The following NLGN1 variants were observed in gnomAD, a reference collection of about 807,000 sequenced individuals.
The protein encoded by NLGN1 is neuroligin 1, also known as neuroligin-1.
In NLGN1, 12 loss-of-function variants were observed where a neutral mutation model predicts 65.5. That is an observed-to-expected ratio of 0.18 (90% CI 0.12 to 0.30). The LOEUF is 0.30. Ranked by LOEUF, NLGN1 falls within the 10% of genes least tolerant of loss-of-function variation. The probability of loss-of-function intolerance (pLI) is 1.00; values close to 1 mark genes in which losing one functional copy is unlikely to be tolerated. For synonymous variants in NLGN1, 350 were observed against 359.5 expected (o/e 0.97, Z 0.30); for missense variants, 750 against 1,007.1 (o/e 0.74, Z 3.46).
At chr3:173,573,867 T>C (rs1250470556) in intron 2 of NLGN1, among the ~76,000 whole-genome samples, 8 of 151,392 alleles carry the variant, frequency 5.3e-5, no homozygotes, top group African/African-American at 1.9e-4. Context: ...ATCAAGACCA[T>C]CCTGGCTAAC....
chr3:174,053,989 A>T (rs577756361), intron 4 of NLGN1, among the ~76,000 whole-genome samples: 1 of 152,168 alleles, frequency 6.6e-6, no homozygotes, highest in South Asian at 2.1e-4. Flanking sequence ...TATCAAATAC[A>T]AATCTGAGCA....
intron 1 of NLGN1, among the ~76,000 whole-genome samples, chr3:173,406,860 C>T (rs572692033): frequency 1.9e-4 from 29 of 152,146 alleles, no homozygotes; most frequent in African/African-American, 6.3e-4. Flanking sequence ...TGTTGCTTCT[C>T]ACCTACCTGC....
intron 4 of NLGN1, among the ~76,000 whole-genome samples, chr3:174,187,079 T>C (rs549542758): frequency 6.6e-6 from 1 of 152,140 alleles, no homozygotes; most frequent in South Asian, 2.1e-4. Flanking sequence ...ACTATGTAAA[T>C]AATTGTTATA....
intron 3 of NLGN1, among the ~76,000 whole-genome samples, chr3:173,689,722 A>T (rs1765190823): frequency 6.6e-6 from 1 of 152,074 alleles, no homozygotes; most frequent in South Asian, 2.1e-4. Flanking sequence ...ACGAATCCAG[A>T]TCCTCCCACT....
intron 3 of NLGN1, among the ~76,000 whole-genome samples, chr3:173,646,710 A>G (rs901481454): frequency 1.3e-5 from 2 of 152,310 alleles, no homozygotes; most frequent in South Asian, 4.1e-4. Context: ...TAATAAGCCA[A>G]AAAAGGATAC....
intron 4 of NLGN1, among the ~76,000 whole-genome samples, chr3:173,931,536 G>A (rs796233363): frequency 7.2e-5 from 11 of 152,082 alleles, no homozygotes; most frequent in Admixed American, 2.0e-4. Context: ...AGAAGAAATC[G>A]TAATTGCAAA....
chr3:173,623,593 G>C (rs1189763346), intron 3 of NLGN1, among the ~76,000 whole-genome samples: 1 of 152,094 alleles, frequency 6.6e-6, no homozygotes, highest in African/African-American at 2.4e-5. Flanking sequence ...TGACCATCAC[G>C]TGGCTGCAGT....
intron 4 of NLGN1, among the ~76,000 whole-genome samples, chr3:174,237,537 G>A (rs557064425): frequency 6.6e-6 from 1 of 152,148 alleles, no homozygotes; most frequent in South Asian, 2.1e-4. Flanking sequence ...GTTTTTATAT[G>A]TAAATAAATA....
chr3:173,960,132 TTATC>T (rs1391985118), intron 4 of NLGN1, among the ~76,000 whole-genome samples: 22 of 152,206 alleles, frequency 1.4e-4, no homozygotes, highest in African/African-American at 5.1e-4. Flanking sequence ...AGACAGAAGT[TTATC>T]TATTTAATTG....
rs982078189 is a variant in NLGN1, at chr3:174,097,273, A to G, written c.647-178042A>G. Among the ~76,000 whole-genome samples, 10 of 152,318 alleles carry G rather than the reference A, an allele frequency of 6.6e-5. No homozygotes were observed. The East Asian group carries it at 1.5e-3, about 24-fold the overall frequency. On this transcript the variant is annotated intron_variant, in intron 4 of 6. Transcript: ENST00000457714. ...AAATTTTAAGTATAGCTCTGTTTAGAACTCAAATCACTTTAGAAATCATTC... is the reference window on the plus strand; with the variant it reads ...AAATTTTAAGTATAGCTCTGTTTAGGACTCAAATCACTTTAGAAATCATTC...
intron 2 of NLGN1, among the ~76,000 whole-genome samples, chr3:173,591,166 C>A (rs1461679917): frequency 6.6e-6 from 1 of 152,038 alleles, no homozygotes; most frequent in Non-Finnish European, 1.5e-5. Flanking sequence ...ATTTGGCAAC[C>A]TATATTCCAT....
At chr3:174,156,908 T>C (rs568306643) in intron 4 of NLGN1, among the ~76,000 whole-genome samples, 2 of 151,462 alleles carry the variant, frequency 1.3e-5, no homozygotes, top group African/African-American at 4.8e-5. Context: ...CACTATCATT[T>C]GCATAGATTC....
intron 4 of NLGN1, among the ~76,000 whole-genome samples, chr3:173,852,712 A>C (rs76490009): frequency 0.013 from 2,041 of 152,286 alleles, 19 homozygotes; most frequent in Middle Eastern, 0.031. Context: ...TGGTTTTGTA[A>C]AAGCAAATTG....
At chr3:173,637,405 G>T (rs1756762581) in intron 3 of NLGN1, among the ~76,000 whole-genome samples, 1 of 152,098 alleles carries the variant, frequency 6.6e-6, no homozygotes, top group Admixed American at 6.6e-5. Flanking sequence ...TAAACTAAAT[G>T]ACCCCTATTG....
intron 4 of NLGN1, among the ~76,000 whole-genome samples, chr3:173,911,346 G>A (rs1739553106): frequency 6.6e-6 from 1 of 152,012 alleles, no homozygotes; most frequent in Non-Finnish European, 1.5e-5. Context: ...TGTATAGAAC[G>A]GTTTCTAAAA....
intron 4 of NLGN1, among the ~76,000 whole-genome samples, chr3:174,106,999 C>CACAT: frequency 8.8e-6 from 1 of 113,038 alleles, no homozygotes; most frequent in African/African-American, 4.2e-5. Flanking sequence ...CACACACACA[C>CACAT]ACACACACAC....
At chr3:173,723,114 T>C (rs1003406930) in intron 3 of NLGN1, among the ~76,000 whole-genome samples, 1 of 152,160 alleles carries the variant, frequency 6.6e-6, no homozygotes, top group Non-Finnish European at 1.5e-5. Context: ...TCATGGCATT[T>C]TCAAAGCGAT....
intron 4 of NLGN1, among the ~76,000 whole-genome samples, chr3:174,253,727 C>T (rs1040746802): frequency 1.3e-5 from 2 of 152,154 alleles, no homozygotes; most frequent in Admixed American, 6.5e-5. Flanking sequence ...ATCACTGCCT[C>T]TTCTAAATTG....
At chr3:173,970,441 G>A (rs934207796) in intron 4 of NLGN1, among the ~76,000 whole-genome samples, 3 of 152,096 alleles carry the variant, frequency 2.0e-5, no homozygotes, top group Non-Finnish European at 4.4e-5. Flanking sequence ...CCAAATGCCG[G>A]AAGTTCAGTG....
Sources: allele counts gnomAD v4.1 joint callset (sites outside exome capture counted in the v4.1 genomes callset), GRCh38; gene constraint gnomAD v4.1.1; transcripts MANE v1.5; gene names NCBI Gene and HGNC (gene_info 2026-07-23, HGNC 2026-07-21).